The following COBL variants were observed in gnomAD, a reference collection of about 807,000 sequenced individuals.
COBL encodes the protein protein cordon-bleu.
COBL carries 51 observed loss-of-function variants against 98.8 expected under a neutral mutation model. That is an observed-to-expected ratio of 0.52 (90% CI 0.41 to 0.65). COBL has a LOEUF of 0.65. Ranked by LOEUF, COBL falls within the 30% of genes least tolerant of loss-of-function variation. The probability of loss-of-function intolerance (pLI) is 0.00; values close to 1 mark genes in which losing one functional copy is unlikely to be tolerated. For missense variants in COBL, 1,617 were observed against 1,617.5 expected (o/e 1.00, Z 0.01); for synonymous variants, 634 against 651.7 (o/e 0.97, Z 0.41).
intron 7 of COBL, among the ~76,000 whole-genome samples, chr7:51,055,132 C>A (rs1298244466): frequency 1.3e-5 from 2 of 152,298 alleles, no homozygotes; most frequent in South Asian, 4.1e-4. Context: ...ACAAGTCCTT[C>A]TCTTTCCTCT....
In COBL at chr7:51,137,372, A is replaced by C. The variant is rs1412904327; in HGVS notation, c.784-1041T>G. 2.0e-5 allele frequency among the ~76,000 whole-genome samples: 3 copies of C among 152,216 alleles called. No individual in the cohort carries two copies. In the East Asian group the frequency reaches 5.8e-4, roughly 29 times the overall value. On this transcript the variant is annotated intron_variant, in intron 5 of 12. Transcript: ENST00000265136. The stretch of plus-strand genomic sequence containing the variant: ...CTCCTGTAAAACTGGGGTAAATAAT[A>C]GTTCCTGCATTACAAAGCTATCATG...
intron 6 of COBL, among the ~76,000 whole-genome samples, chr7:51,106,134 G>A (rs1240106918): frequency 6.6e-6 from 1 of 150,736 alleles, no homozygotes; most frequent in African/African-American, 2.4e-5. Context: ...AACCAGGGTG[G>A]TGGAGGTTGC....
chr7:51,084,605 T>C (rs944655118), intron 7 of COBL, among the ~76,000 whole-genome samples: 4 of 152,204 alleles, frequency 2.6e-5, no homozygotes, highest in African/African-American at 9.7e-5. Flanking sequence ...AATAGGTCTC[T>C]TTCTGCTCAC....
intron 5 of COBL, among the ~76,000 whole-genome samples, chr7:51,160,410 T>C (rs1338759779): frequency 1.3e-5 from 2 of 152,206 alleles, no homozygotes; most frequent in South Asian, 2.1e-4. Context: ...AAAGTTGTCA[T>C]ATCCTTTGAT....
chr7:51,060,239 C>T (rs564118379), intron 7 of COBL, among the ~76,000 whole-genome samples: 2 of 152,370 alleles, frequency 1.3e-5, no homozygotes, highest in African/African-American at 4.8e-5. Context: ...CAGGAAACTA[C>T]TTCTTGGGAA....
intron 1 of COBL, among the ~76,000 whole-genome samples, chr7:51,243,556 G>T (rs1327559497): frequency 6.6e-6 from 1 of 152,238 alleles, no homozygotes. Flanking sequence ...GTGCACCCGT[G>T]CCACGGGCTA....
At chr7:51,305,232 T>C (rs1406152966) in intron 1 of COBL, among the ~76,000 whole-genome samples, 1 of 152,126 alleles carries the variant, frequency 6.6e-6, no homozygotes, top group Non-Finnish European at 1.5e-5. Context: ...ATGAAGTGCA[T>C]CCCCTTCCTA....
intron 4 of COBL, 67 bp downstream of exon 4, chr7:51,190,783 G>C: frequency 7.7e-7 from 1 of 1,306,214 alleles, no homozygotes; most frequent in Non-Finnish European, 1.1e-6. Flanking sequence ...AGAGCCAACA[G>C]GGGACATGTA....
intron 7 of COBL, 29 bp from the exon 8 acceptor site, chr7:51,043,721 G>T (rs1350646905): frequency 1.3e-6 from 2 of 1,590,500 alleles, no homozygotes; most frequent in Non-Finnish European, 1.7e-6. Flanking sequence ...GGACAGGTCA[G>T]CCCAAACCAC....
intron 7 of COBL, chr7:51,065,591 G>C (rs938274442): frequency 3.3e-6 from 2 of 602,900 alleles, no homozygotes; most frequent in Non-Finnish European, 5.9e-6. Flanking sequence ...AGGTGGCAGG[G>C]CCCAGGCCTC....
At chr7:51,066,353 C>T (rs1465983625) in intron 7 of COBL, among the ~76,000 whole-genome samples, 1 of 152,190 alleles carries the variant, frequency 6.6e-6, no homozygotes, top group Admixed American at 6.5e-5. Flanking sequence ...TCTCCTTCCT[C>T]TGTGGACACA....
chr7:51,294,321 TAAATAAATAA>T (rs773773012), intron 1 of COBL, among the ~76,000 whole-genome samples: 1,618 of 146,734 alleles, frequency 0.011, 22 homozygotes, highest in East Asian at 0.042. Flanking sequence ...AATAAATAAA[TAAATAAATAA>T]AAATAAATAA....
intron 1 of COBL, among the ~76,000 whole-genome samples, chr7:51,310,475 C>T (rs1198284917): frequency 6.6e-6 from 1 of 152,188 alleles, no homozygotes; most frequent in Non-Finnish European, 1.5e-5. Context: ...GGGAAGGATG[C>T]CCTGTCTGGC....
chr7:51,134,784 C>T (rs929144234), intron 6 of COBL, among the ~76,000 whole-genome samples: 11 of 152,248 alleles, frequency 7.2e-5, no homozygotes, highest in African/African-American at 2.4e-4. Context: ...ATGAGACACA[C>T]TGCAGAAAAT....
chr7:51,092,106 T>C (rs1015693033), intron 6 of COBL, among the ~76,000 whole-genome samples: 7 of 152,174 alleles, frequency 4.6e-5, no homozygotes, highest in African/African-American at 1.7e-4. Context: ...TAGATTCTCT[T>C]AGGAGCGCAA....
intron 8 of COBL, chr7:51,033,052 G>T (rs991834483): frequency 6.6e-6 from 1 of 151,820 alleles, no homozygotes; most frequent in African/African-American, 2.4e-5. Context: ...GGAACATAAT[G>T]ATATCAATAA....
At chr7:51,140,594 G>A (rs1452906908) in intron 5 of COBL, among the ~76,000 whole-genome samples, 3 of 152,174 alleles carry the variant, frequency 2.0e-5, no homozygotes, top group Non-Finnish European at 4.4e-5. Flanking sequence ...TGTTTAAAAT[G>A]TACTCATCTC....
Position 51,108,913 on chromosome 7 carries a change from CAT to C in COBL, c.958-23611_958-23610del, listed in dbSNP as rs1178223921. 4.8e-4 allele frequency among the ~76,000 whole-genome samples: 68 copies of C among 141,256 alleles called. 1 individual carries two copies. Among genetic ancestry groups the C allele is most frequent in the Admixed American group, 2.5e-3 (35 of 13,830 alleles). The allele number at this position is 141,256 out of a possible 152,430, so 92.7% of individuals were successfully genotyped here. A position where few individuals can be genotyped will look rare whatever the true frequency, so the allele number is the denominator to read the frequency against. Reference sequence around the variant, plus strand: ...TCACACAAAGATACACACACTGACACATAGACACACACACACACACACACACA... The same window carrying C: ...TCACACAAAGATACACACACTGACACAGACACACACACACACACACACACA... On this transcript the variant is annotated intron_variant, in intron 6 of 12. Coordinates refer to ENST00000265136, the MANE Select transcript of COBL (RefSeq NM_015198.5).
At position 51,027,851 on chromosome 7, in the gene COBL, C is replaced by T; in HGVS notation, c.3245G>A (p.Ser1082Asn). ...VFSTDGNETD[S>N]IWPPSIFGPK... ...CCCAAAAATGCTGGGTGGCCAAATA[C>T]TGTCTGTTTCATTTCCATCTGTAGA... Residue 1082 changes from serine to asparagine, a missense_variant, in exon 10 of 13, where the codon AGT becomes AAT. Ser to Asn is a conservative substitution (Grantham distance 46, BLOSUM62 1). Around this residue, in one of 3 missense-constraint regions of COBL, gnomAD observed 1,304 missense variants for 1,282.0 expected, o/e 1.02. Coordinates refer to ENST00000265136, the MANE Select transcript of COBL (RefSeq NM_015198.5). 6.2e-7 allele frequency: 1 copy of T among 1,614,222 alleles called. No individual in the cohort carries two copies. The highest frequency in any genetic ancestry group is 8.5e-7 in the Non-Finnish European group (1 of 1,180,044).
Sources: allele counts gnomAD v4.1 joint callset (sites outside exome capture counted in the v4.1 genomes callset), GRCh38; gene constraint gnomAD v4.1.1; regional missense constraint gnomAD v4.1.1; transcripts MANE v1.5; gene names NCBI Gene and HGNC (gene_info 2026-07-23, HGNC 2026-07-21).